Variants in XRCC5 observed in about 807,000 individuals in gnomAD.
XRCC5 encodes X-ray repair cross complementing 5.
Under a neutral mutation model 95.7 loss-of-function variants are expected in XRCC5, and 12 were observed. That is an observed-to-expected ratio of 0.13 (90% CI 0.08 to 0.20). The LOEUF (loss-of-function observed/expected upper bound fraction) is 0.20. Ranked by LOEUF, XRCC5 falls within the 10% of genes least tolerant of loss-of-function variation. The pLI is 1.00. For missense variants in XRCC5, 595 were observed against 873.9 expected (o/e 0.68, Z 4.02); for synonymous variants, 281 against 290.3 (o/e 0.97, Z 0.33).
intron 13 of XRCC5, among the ~76,000 whole-genome samples, chr2:216,141,985 T>C (rs1697180101): frequency 6.6e-6 from 1 of 151,128 alleles, no homozygotes; most frequent in African/African-American, 2.4e-5. Context: ...ACCTGGGAGA[T>C]GGAGAGTGGA....
intron 15 of XRCC5, 142 bp downstream of exon 15, chr2:216,160,303 G>T: frequency 2.0e-6 from 1 of 502,024 alleles, no homozygotes; most frequent in Non-Finnish European, 3.5e-6. Context: ...CTCTATAGAA[G>T]CCAAAAAGAC....
chr2:216,159,270 G>A (rs1019337688), intron 14 of XRCC5, among the ~76,000 whole-genome samples: 3 of 152,124 alleles, frequency 2.0e-5, no homozygotes, highest in Non-Finnish European at 4.4e-5. Flanking sequence ...ATGTTCAGCA[G>A]CTTAAGGGAG....
Position 216,192,564 on chromosome 2 carries a change from T to G in XRCC5, c.1945-75T>G, listed in dbSNP as rs1020883831. 3 of 968,408 alleles carry G rather than the reference T, an allele frequency of 3.1e-6. No homozygotes were observed. The African/African-American group carries it at 5.1e-5, about 17-fold the overall frequency. The allele number at this position is 968,408 out of a possible 1,614,324, so 60.0% of individuals were successfully genotyped here. A position where few individuals can be genotyped will look rare whatever the true frequency, so the allele number is the denominator to read the frequency against. On this transcript the variant is annotated intron_variant, in intron 17 of 20. Coordinates refer to ENST00000392132, the MANE Select transcript of XRCC5 (RefSeq NM_021141.4). ...AAATAAGGTGATTCAGACCAAACTT[T>G]GTTTGGTCTGGGGTGAATTTGTTTT...
rs1363133921 is a variant in XRCC5, at chr2:216,127,480, T to G, written c.799-56T>G. ...CAGAGAGTGTATTAGGTTTTCATCTTCTATCAATTGGAATCCTAACTTTCC... is the reference window on the plus strand; with the variant it reads ...CAGAGAGTGTATTAGGTTTTCATCTGCTATCAATTGGAATCCTAACTTTCC... On this transcript the variant is annotated intron_variant, in intron 7 of 20. Coordinates refer to ENST00000392132, the MANE Select transcript of XRCC5 (RefSeq NM_021141.4). The G allele has an allele frequency of 6.5e-6, 10 of 1,539,842 alleles. No homozygotes were observed. The East Asian group carries it at 2.3e-4, about 35-fold the overall frequency.
chr2:216,155,568 G>C (rs529841067), intron 14 of XRCC5, among the ~76,000 whole-genome samples: 1 of 152,330 alleles, frequency 6.6e-6, no homozygotes, highest in East Asian at 1.9e-4. Flanking sequence ...TAGGACATTA[G>C]AAGCAACCAG....
intron 5 of XRCC5, among the ~76,000 whole-genome samples, chr2:216,121,687 G>T (rs542218406): frequency 2.0e-5 from 3 of 152,142 alleles, no homozygotes; most frequent in Non-Finnish European, 2.9e-5. Flanking sequence ...TGGGGGACAC[G>T]TGTAGACCAT....
intron 1 of XRCC5, among the ~76,000 whole-genome samples, chr2:216,109,966 A>G (rs1696556996): frequency 6.6e-6 from 1 of 152,262 alleles, no homozygotes; most frequent in Non-Finnish European, 1.5e-5. Flanking sequence ...ATAATAACGT[A>G]GTATCCCGCA....
At chr2:216,154,787 A>AC (rs897241917) in intron 14 of XRCC5, among the ~76,000 whole-genome samples, 6 of 151,928 alleles carry the variant, frequency 3.9e-5, no homozygotes, top group African/African-American at 1.5e-4. Flanking sequence ...TCATCTTTGG[A>AC]CCCCCAATTA....
intron 7 of XRCC5, among the ~76,000 whole-genome samples, chr2:216,127,002 A>C (rs1696909907): frequency 6.6e-6 from 1 of 151,924 alleles, no homozygotes; most frequent in Non-Finnish European, 1.5e-5. Context: ...CTGTAATTCC[A>C]GCACTTTCAG....
intron 2 of XRCC5, among the ~76,000 whole-genome samples, chr2:216,114,728 C>G (rs971013251): frequency 6.6e-6 from 1 of 152,010 alleles, no homozygotes; most frequent in Non-Finnish European, 1.5e-5. Context: ...CAGAAAACAC[C>G]TGGAGTTAGC....
Position 216,153,468 on chromosome 2 carries a change from A to C in XRCC5, c.1670+5192A>C, listed in dbSNP as rs372212926. Among the ~76,000 whole-genome samples, 48 of 152,350 alleles carry C rather than the reference A, an allele frequency of 3.2e-4. 2 individuals are homozygous for C. The South Asian group carries it at 9.7e-3, about 31-fold the overall frequency. ...GCCATTAAAGCAAGGGTTTTTAATC[A>C]GGGTTCCAAAGATTGATATCAAGGA... On this transcript the variant is annotated intron_variant, in intron 14 of 20. Coordinates refer to ENST00000392132, the MANE Select transcript of XRCC5 (RefSeq NM_021141.4).
chr2:216,115,231 T>C (rs1217007720), intron 2 of XRCC5, among the ~76,000 whole-genome samples: 2 of 151,896 alleles, frequency 1.3e-5, no homozygotes, highest in South Asian at 4.2e-4. Context: ...CACTCCGGAG[T>C]TTCTCTGGAT....
intron 11 of XRCC5, 148 bp downstream of exon 11, chr2:216,137,373 T>G: frequency 2.3e-6 from 2 of 870,070 alleles, no homozygotes; most frequent in Middle Eastern, 7.3e-4. Flanking sequence ...GGGCCCAGAT[T>G]CTCTGTTTCT....
At position 216,127,685 on chromosome 2, in the gene XRCC5, AAG is replaced by A. The variant is rs1254001169; in HGVS notation, c.937+14_937+15del. On this transcript the variant is annotated intron_variant, in intron 8 of 20. Transcript: ENST00000392132. ...AGGATATTATTCAAGGTATGTCAGTAAGAGTTTTCACTGTTGCCTAAAAGACA... is the reference window on the plus strand; with the variant it reads ...AGGATATTATTCAAGGTATGTCAGTAAGTTTTCACTGTTGCCTAAAAGACA... 3 of 1,588,550 alleles carry A rather than the reference AAG, an allele frequency of 1.9e-6. No homozygotes were observed. The South Asian group carries it at 3.5e-5, about 18-fold the overall frequency.
chr2:216,116,523 T>C (rs1696700495), intron 2 of XRCC5, 136 bp from the exon 3 acceptor site: 3 of 894,188 alleles, frequency 3.4e-6, no homozygotes, highest in Non-Finnish European at 5.3e-6. Flanking sequence ...GTCTCATGTT[T>C]CATCCCGCCC....
At chr2:216,182,729 T>C (rs1323477666) in intron 16 of XRCC5, among the ~76,000 whole-genome samples, 2 of 152,234 alleles carry the variant, frequency 1.3e-5, no homozygotes, top group African/African-American at 4.8e-5. Flanking sequence ...CTACTTTAAG[T>C]GTACTCCGTT....
chr2:216,125,419 G>A (rs1449238682), intron 6 of XRCC5, among the ~76,000 whole-genome samples: 1 of 151,956 alleles, frequency 6.6e-6, no homozygotes, highest in Non-Finnish European at 1.5e-5. Context: ...CTGATCTTGA[G>A]CTCCCGACCT....
chr2:216,134,672 A>AC (rs34118455), intron 10 of XRCC5, among the ~76,000 whole-genome samples: 6,018 of 132,752 alleles, frequency 0.045, 149 homozygotes, highest in Middle Eastern at 0.091. Flanking sequence ...CAGGTGATCC[A>AC]CCCCCCCCCC....
At position 216,115,395 on chromosome 2, in the gene XRCC5, G is replaced by C. The variant is rs574773654; in HGVS notation, c.136-1264G>C. On this transcript the variant is annotated intron_variant, in intron 2 of 20. Transcript: ENST00000392132. Reference sequence around the variant, plus strand: ...CAGAATTTCCTCCCCTCCCATGACTGAGATTTTGTCTAGGGCAAGATTACC... The same window carrying C: ...CAGAATTTCCTCCCCTCCCATGACTCAGATTTTGTCTAGGGCAAGATTACC... Among the ~76,000 whole-genome samples, 3 of 152,296 alleles carry C rather than the reference G, an allele frequency of 2.0e-5. No homozygotes were observed. The South Asian group carries it at 6.2e-4, about 32-fold the overall frequency.
Sources: gnomAD v4.1 joint callset for allele counts (sites outside exome capture counted in the v4.1 genomes callset) on GRCh38, gnomAD v4.1.1 for gene constraint, MANE v1.5 for transcripts, NCBI Gene and HGNC (gene_info 2026-07-23, HGNC 2026-07-21) for gene names.